RASA3: variants seen among roughly 807,000 people sequenced by gnomAD.
RASA3 encodes RAS p21 protein activator 3.
RASA3 carries 73 observed loss-of-function variants against 110.0 expected under a neutral mutation model. That is an observed-to-expected ratio of 0.66 (90% CI 0.55 to 0.81). The LOEUF is 0.81. Among genes scored for constraint, RASA3 ranks in the 30% least tolerant of loss-of-function variants. The pLI is 0.00. For synonymous variants in RASA3, 500 were observed against 451.4 expected (o/e 1.11, Z -1.37); for missense variants, 976 against 1,113.2 (o/e 0.88, Z 1.75).
At chr13:113,997,670 G>A (rs954494674) in intron 20 of RASA3, among the ~76,000 whole-genome samples, 36 of 152,224 alleles carry the variant, frequency 2.4e-4, no homozygotes, top group Admixed American at 2.0e-3. Flanking sequence ...AGAAGGAGCC[G>A]GCTCTGTTGC....
intron 1 of RASA3, among the ~76,000 whole-genome samples, chr13:114,090,373 T>C (rs1245208184): frequency 6.6e-6 from 1 of 152,202 alleles, no homozygotes; most frequent in Non-Finnish European, 1.5e-5. Flanking sequence ...TGTTTTATGA[T>C]GGCAAAATGG....
chr13:114,110,224 G>A (rs1230929820), intron 1 of RASA3, among the ~76,000 whole-genome samples: 1 of 152,356 alleles, frequency 6.6e-6, no homozygotes, highest in South Asian at 2.1e-4. Context: ...CCCCAGGGGG[G>A]CCTGGAAGCT....
At chr13:114,030,445 GAGGGCAAGGCTCACACA>G (rs1263688024) in intron 4 of RASA3, among the ~76,000 whole-genome samples, 2,247 of 118,790 alleles carry the variant, frequency 0.019, 124 homozygotes, top group East Asian at 0.1. Context: ...GGCTCACACA[GAGGGCAAGGCTCACACA>G]GAGGGCAAGG....
chr13:114,017,113 G>T, intron 12 of RASA3, 124 bp downstream of exon 12: 1 of 827,118 alleles, frequency 1.2e-6, no homozygotes, highest in Non-Finnish European at 2.0e-6. Flanking sequence ...TCCCCGTGGC[G>T]AGGCCAGAGG....
intron 1 of RASA3, among the ~76,000 whole-genome samples, chr13:114,127,876 G>A (rs955131276): frequency 2.0e-5 from 3 of 152,164 alleles, no homozygotes; most frequent in African/African-American, 4.8e-5. Context: ...CCTCAGTGCC[G>A]TGGAGTTTCC....
At chr13:114,031,242 C>T (rs1306674861) in intron 4 of RASA3, among the ~76,000 whole-genome samples, 2 of 144,032 alleles carry the variant, frequency 1.4e-5, no homozygotes, top group African/African-American at 5.2e-5. Context: ...TCTGTGTGCA[C>T]ACGGCTGTGT....
chr13:114,018,449 T>C lies in RASA3; in HGVS notation c.943-197A>G, dbSNP rs560450646. Among the ~76,000 whole-genome samples, 103 of 152,224 alleles carry C rather than the reference T, an allele frequency of 6.8e-4. 4 individuals carry two copies. The highest frequency in any genetic ancestry group is 3.9e-3 in the Admixed American group (59 of 15,296). On this transcript the variant is annotated intron_variant, in intron 10 of 23. Transcript: ENST00000334062. ...GGACCCTTGGAGGGGCATCTGCACCTCCTTCTAGCGACCCCCCCATGCAGC... is the reference window on the plus strand; with the variant it reads ...GGACCCTTGGAGGGGCATCTGCACCCCCTTCTAGCGACCCCCCCATGCAGC...
intron 19 of RASA3, among the ~76,000 whole-genome samples, chr13:113,999,898 C>T (rs1312494952): frequency 6.7e-5 from 2 of 29,712 alleles, no homozygotes. Context: ...GGGTCTCTAC[C>T]GGGGGTCTCT....
chr13:114,093,728 T>C (rs919485049), intron 1 of RASA3, among the ~76,000 whole-genome samples: 5 of 152,124 alleles, frequency 3.3e-5, no homozygotes, highest in Admixed American at 2.6e-4. Context: ...TCTTGTAAGC[T>C]TTCTTCATTT....
chr13:113,999,361 C>T (rs1405542346), intron 20 of RASA3, among the ~76,000 whole-genome samples: 1 of 152,126 alleles, frequency 6.6e-6, no homozygotes, highest in Non-Finnish European at 1.5e-5. Context: ...CAGGTTCCAC[C>T]CCACCCCGGT....
intron 13 of RASA3, 80 bp downstream of exon 13, chr13:114,016,117 A>G: frequency 7.8e-7 from 1 of 1,286,708 alleles, no homozygotes; most frequent in East Asian, 2.4e-5. Context: ...TCACGGGGTG[A>G]GTCAGAGCTT....
intron 17 of RASA3, 81 bp from the exon 18 acceptor site, chr13:114,007,687 C>T (rs963466932): frequency 2.5e-5 from 29 of 1,158,378 alleles, no homozygotes; most frequent in Admixed American, 1.7e-4. Context: ...ACAGCGTCGG[C>T]GGCTACTGCC....
In RASA3 at chr13:114,013,074, G is replaced by C. The variant is rs1454757900; in HGVS notation, c.1512+68C>G. 4.3e-6 allele frequency: 6 copies of C among 1,384,144 alleles called. No individual in the cohort carries two copies. The South Asian group carries it at 8.0e-5, about 18-fold the overall frequency. 85.7% of individuals were successfully genotyped at this position (1,384,144 alleles called of 1,614,324 possible). A position where few individuals can be genotyped will look rare whatever the true frequency, so the allele number is the denominator to read the frequency against. On this transcript the variant is annotated intron_variant, in intron 15 of 23. Coordinates refer to ENST00000334062, the MANE Select transcript of RASA3 (RefSeq NM_007368.4). Reference sequence around the variant, plus strand: ...ACGGTCGGCCCCCTACAGCCACGCAGATGCCCCAACCCAGGCCGGCGTCGC... The same window carrying C: ...ACGGTCGGCCCCCTACAGCCACGCACATGCCCCAACCCAGGCCGGCGTCGC...
chr13:114,018,858 G>A lies in RASA3; in HGVS notation c.847C>T (p.Leu283=), dbSNP rs182406739. 6 of 1,613,968 alleles carry A rather than the reference G, an allele frequency of 3.7e-6. No individual in the cohort carries two copies. The highest frequency in any genetic ancestry group is 2.2e-5 in the East Asian group (1 of 44,886). Residue 283 remains leucine, a synonymous_variant, in exon 10 of 24, where the codon CTG becomes TTG. Transcript: ENST00000334062. ...KSLKPDDLGS[L]RLNVVYTEDH... ...TCCGTGTATACCACGTTCAGCCGCA[G>A]GGAGCCCAGGTCGTCTGGCTTTAGG...
chr13:114,110,933 C>T (rs1011357743), intron 1 of RASA3, among the ~76,000 whole-genome samples: 2 of 152,104 alleles, frequency 1.3e-5, no homozygotes, highest in South Asian at 2.1e-4. Flanking sequence ...GGCTGAGCCA[C>T]GCTCTGGTCA....
At chr13:114,127,759 A>C (rs1193717987) in intron 1 of RASA3, among the ~76,000 whole-genome samples, 1 of 152,170 alleles carries the variant, frequency 6.6e-6, no homozygotes, top group Non-Finnish European at 1.5e-5. Context: ...CAAAGAAAAA[A>C]AAATTAATGG....
At chr13:114,107,036 C>T (rs1410483065) in intron 1 of RASA3, among the ~76,000 whole-genome samples, 1 of 152,226 alleles carries the variant, frequency 6.6e-6, no homozygotes, top group South Asian at 2.1e-4. Flanking sequence ...TTGGTGTGCA[C>T]GCCCACACCT....
intron 4 of RASA3, among the ~76,000 whole-genome samples, chr13:114,038,265 C>A (rs1016202021): frequency 6.6e-6 from 1 of 152,238 alleles, no homozygotes; most frequent in Non-Finnish European, 1.5e-5. Flanking sequence ...GCGGGAGCGG[C>A]CCAGTCACCA....
At chr13:114,111,917 T>C (rs1358456120) in intron 1 of RASA3, among the ~76,000 whole-genome samples, 1 of 152,212 alleles carries the variant, frequency 6.6e-6, no homozygotes, top group Non-Finnish European at 1.5e-5. Context: ...GCCCATCAAC[T>C]TAAAATAGCT....
Sources: gnomAD v4.1 joint callset for allele counts (sites outside exome capture counted in the v4.1 genomes callset) on GRCh38, gnomAD v4.1.1 for gene constraint, MANE v1.5 for transcripts, NCBI Gene and HGNC (gene_info 2026-07-23, HGNC 2026-07-21) for gene names.